FAM234B: variants seen among roughly 807,000 people sequenced by gnomAD.
FAM234B encodes protein FAM234B.
A neutral mutation model predicts 69.3 loss-of-function variants in FAM234B; 33 were observed. The observed-to-expected ratio is 0.48, with a 90% CI of 0.36 to 0.64. The LOEUF is 0.64. FAM234B is among the 30% of genes least tolerant of loss of function. The pLI is 0.00. For synonymous variants in FAM234B, 306 were observed against 306.9 expected, an observed-to-expected ratio of 1.00 and a Z score of 0.03; for missense variants, 697 against 769.7, an observed-to-expected ratio of 0.91 and a Z score of 1.12.
In FAM234B at chr12:13,068,412, A is replaced by G. The variant is rs542115116; in HGVS notation, c.1251A>G (p.Thr417=). 1.9e-6 allele frequency: 3 copies of G among 1,614,132 alleles called. No homozygotes were observed. Among genetic ancestry groups the G allele is most frequent in the African/African-American group, 2.7e-5 (2 of 75,018 alleles). ...SLVLLRGQNL[T]PYWALRLQGL... is the part of the protein sequence containing the mutation. The stretch of plus-strand genomic sequence containing the variant: ...TGCTGCTTCGGGGGCAAAATCTGAC[A>G]CCTTACTGGGCATTGAGACTTCAAG... Residue 417 remains threonine, a synonymous_variant, in exon 8 of 13, where the codon ACA becomes ACG. Coordinates refer to ENST00000197268, the MANE Select transcript of FAM234B (RefSeq NM_020853.2).
chr12:13,069,246 G>T (rs982492415), intron 9 of FAM234B, among the ~76,000 whole-genome samples: 2 of 152,192 alleles, frequency 1.3e-5, no homozygotes, highest in African/African-American at 4.8e-5. Context: ...GATATTGCAT[G>T]AAGTTGCATA....
At chr12:13,058,060 T>A (rs565096466) in intron 2 of FAM234B, among the ~76,000 whole-genome samples, 1 of 152,196 alleles carries the variant, frequency 6.6e-6, no homozygotes, top group Admixed American at 6.5e-5. Context: ...GCACCTTTCC[T>A]GGGCTTTTGG....
In FAM234B at chr12:13,071,349, G is replaced by T. The variant is rs965303450; in HGVS notation, c.1477G>T (p.Val493Phe). 3.1e-6 allele frequency: 5 copies of T among 1,613,972 alleles called. No homozygotes were observed. The African/African-American group carries it at 4.0e-5, about 13-fold the overall frequency. Residue 493 changes from valine to phenylalanine, a missense_variant, in exon 10 of 13, where the codon GTC becomes TTC. Coordinates refer to ENST00000197268, the MANE Select transcript of FAM234B (RefSeq NM_020853.2). ...AGCAGTTACTTCAGACCAGAAGTCT[G>T]TCTTCCTCTTCTGGGCCGAAGGGCT... ...TSAVTSDQKS[V>F]FLFWAEGLSA...
chr12:13,052,806 C>T (rs7311603), intron 1 of FAM234B, among the ~76,000 whole-genome samples: 149,943 of 152,352 alleles, frequency 0.98, 73,828 homozygotes, highest in South Asian at 1. Context: ...TTCCATGGTA[C>T]GTACATATCA....
At chr12:13,077,675 T>C (rs1001567621) in intron 11 of FAM234B, among the ~76,000 whole-genome samples, 5 of 151,666 alleles carry the variant, frequency 3.3e-5, no homozygotes, top group Non-Finnish European at 7.4e-5. Flanking sequence ...CTATCATTGT[T>C]GGACATTTGG....
chr12:13,046,585 C>T (rs1591594062), intron 1 of FAM234B, among the ~76,000 whole-genome samples: 1 of 152,114 alleles, frequency 6.6e-6, no homozygotes, highest in Non-Finnish European at 1.5e-5. Flanking sequence ...CTCAACCTCC[C>T]GAGTAGCTGG....
At chr12:13,078,669 C>A (rs1020017179) in intron 11 of FAM234B, among the ~76,000 whole-genome samples, 4 of 152,198 alleles carry the variant, frequency 2.6e-5, no homozygotes, top group Non-Finnish European at 5.9e-5. Flanking sequence ...TCTCCTTAAG[C>A]TGATAAGCAA....
intron 9 of FAM234B, among the ~76,000 whole-genome samples, 166 bp from the exon 10 acceptor site, chr12:13,071,075 A>G (rs561165224): frequency 3.3e-5 from 5 of 152,320 alleles, no homozygotes; most frequent in African/African-American, 1.2e-4. Flanking sequence ...CCTGGTCCTT[A>G]GCCATTATTC....
chr12:13,061,289 G>A (rs1181744728), intron 3 of FAM234B, among the ~76,000 whole-genome samples: 1 of 152,234 alleles, frequency 6.6e-6, no homozygotes. Context: ...TGGGGCCGAG[G>A]TGGCAGACAT....
At chr12:13,068,817 C>T (rs1865070242) in intron 9 of FAM234B, 106 bp downstream of exon 9, 4 of 700,850 alleles carry the variant, frequency 5.7e-6, no homozygotes, top group South Asian at 2.1e-5. Context: ...AAAATATGAT[C>T]TCTAACTTCA....
chr12:13,050,330 T>C (rs1044248982), intron 1 of FAM234B, among the ~76,000 whole-genome samples: 3 of 152,180 alleles, frequency 2.0e-5, no homozygotes, highest in African/African-American at 7.2e-5. Flanking sequence ...CTTGTCCTCT[T>C]TGAACTATTG....
At chr12:13,073,644 G>A (rs1186968211) in intron 10 of FAM234B, among the ~76,000 whole-genome samples, 1 of 123,530 alleles carries the variant, frequency 8.1e-6, no homozygotes, top group Non-Finnish European at 1.9e-5. Flanking sequence ...AATTTCCATT[G>A]AAAGTCCTGC....
chr12:13,054,567 T>C (rs1335259979), intron 1 of FAM234B, among the ~76,000 whole-genome samples: 1 of 152,136 alleles, frequency 6.6e-6, no homozygotes, highest in African/African-American at 2.4e-5. Flanking sequence ...ATTAGCTGGG[T>C]TTTGTGGTCT....
intron 3 of FAM234B, 54 bp from the exon 4 acceptor site, chr12:13,061,521 C>A: frequency 6.7e-7 from 1 of 1,482,250 alleles, no homozygotes; most frequent in South Asian, 1.3e-5. Context: ...TTCATCTCTG[C>A]CTCTTATCTC....
At chr12:13,056,978 CTTTT>C (rs72097692) in intron 2 of FAM234B, among the ~76,000 whole-genome samples, 1 of 129,488 alleles carries the variant, frequency 7.7e-6, no homozygotes, top group Admixed American at 7.7e-5. Flanking sequence ...CTGTGAACTG[CTTTT>C]TTTTTTTTTT....
chr12:13,067,211 A>C lies in FAM234B; in HGVS notation c.1057A>C (p.Ser353Arg). ...TTTTGTTCAGGCCCAAAATCGAGAC[A>C]GCTCACCACCTTCTCTGCAGATAGA... Reference protein sequence around the residue: ...DIFVQAQNRDSSPPSLQIEEP... With the variant: ...DIFVQAQNRDRSPPSLQIEEP... Residue 353 changes from serine (S) to arginine (R), a missense_variant, in exon 7 of 13, where the codon AGC (serine) becomes CGC (arginine). Ser to Arg is a moderately radical substitution (Grantham distance 110). Around this residue, in one of 3 missense-constraint regions of FAM234B, gnomAD observed 380 missense variants for 447.1 expected, o/e 0.85. Coordinates refer to ENST00000197268, the MANE Select transcript of FAM234B (RefSeq NM_020853.2). The surrounding 1 kb of genome is among the most constrained non-coding windows in gnomAD (Gnocchi z 4.7). 6.2e-7 allele frequency: 1 copy of C among 1,614,048 alleles called. No individual in the cohort carries two copies. Among genetic ancestry groups the C allele is most frequent in the Non-Finnish European group, 8.5e-7 (1 of 1,179,926 alleles).
intron 5 of FAM234B, among the ~76,000 whole-genome samples, chr12:13,064,418 A>G (rs1319682305): frequency 1.3e-5 from 2 of 152,150 alleles, no homozygotes; most frequent in Non-Finnish European, 2.9e-5. Context: ...TTAAGTCGTG[A>G]TTGAATTTAG....
At chr12:13,063,241 T>A (rs1865003473) in intron 5 of FAM234B, among the ~76,000 whole-genome samples, 1 of 152,176 alleles carries the variant, frequency 6.6e-6, no homozygotes, top group South Asian at 2.1e-4. Flanking sequence ...TCTACCACTT[T>A]ATATCTTTGA....
chr12:13,068,365 A>T lies in FAM234B; in HGVS notation c.1204A>T (p.Ile402Phe), dbSNP rs1865064107. 8 of 1,614,206 alleles carry T rather than the reference A, an allele frequency of 5.0e-6. No individual in the cohort carries two copies. In the East Asian group the frequency reaches 1.8e-4, roughly 36 times the overall value. The change falls in exon 8 of 13, where the codon ATT becomes TTT. Residue 402 changes from isoleucine to phenylalanine, a missense_variant. By Grantham distance (21) the Ile-to-Phe change is conservative. Transcript: ENST00000197268. ...AGATTCCAACTGCAGCAACCTTCTG[A>T]TTACAACCAGACAAAGCCTTGTGCT... ...APDSNCSNLL[I>F]TTRQSLVLLR...
Sources: gnomAD v4.1 joint callset for allele counts (sites outside exome capture counted in the v4.1 genomes callset) on GRCh38, gnomAD v4.1.1 for gene constraint, gnomAD v4.1.1 regional missense constraint, Gnocchi (gnomAD v3.1) non-coding constraint, MANE v1.5 for transcripts, NCBI Gene and HGNC (gene_info 2026-07-23, HGNC 2026-07-21) for gene names.